SMOC2: variants seen among roughly 807,000 people sequenced by gnomAD.
The protein encoded by SMOC2 is SPARC-related modular calcium-binding protein 2.
SMOC2 carries 39 observed loss-of-function variants against 61.4 expected under a neutral mutation model. The ratio of observed to expected loss-of-function variants is 0.64; its 90% CI spans 0.49 to 0.83. SMOC2 has a LOEUF of 0.83. Among genes scored for constraint, SMOC2 ranks in the 40% least tolerant of loss-of-function variants. The probability of loss-of-function intolerance (pLI) is 0.00; values close to 1 mark genes in which losing one functional copy is unlikely to be tolerated. For missense variants in SMOC2, 556 were observed against 592.9 expected, an observed-to-expected ratio of 0.94 and a Z score of 0.65; for synonymous variants, 247 against 239.9, an observed-to-expected ratio of 1.03 and a Z score of -0.27.
intron 9 of SMOC2, among the ~76,000 whole-genome samples, chr6:168,648,727 C>A (rs760974738): frequency 7.2e-5 from 11 of 152,194 alleles, no homozygotes; most frequent in Non-Finnish European, 1.6e-4. Flanking sequence ...CTCAGAACCC[C>A]CCTGGTGAAG....
At chr6:168,546,535 C>G (rs956038294) in intron 5 of SMOC2, among the ~76,000 whole-genome samples, 1 of 152,186 alleles carries the variant, frequency 6.6e-6, no homozygotes, top group East Asian at 1.9e-4. Context: ...ATTCTCCGAT[C>G]ACTTTCGCCC....
intron 1 of SMOC2, among the ~76,000 whole-genome samples, chr6:168,501,314 G>A (rs773321879): frequency 6.6e-6 from 1 of 152,214 alleles, no homozygotes; most frequent in Non-Finnish European, 1.5e-5. Flanking sequence ...TAACATGGAT[G>A]TGGAGACAGG....
chr6:168,522,493 T>C (rs1176726504), intron 2 of SMOC2, among the ~76,000 whole-genome samples: 1 of 152,202 alleles, frequency 6.6e-6, no homozygotes, highest in Non-Finnish European at 1.5e-5. Flanking sequence ...ATCTGTTCAA[T>C]AGAATATTAT....
At chr6:168,548,349 T>G (rs1186116084) in intron 6 of SMOC2, among the ~76,000 whole-genome samples, 4 of 126,794 alleles carry the variant, frequency 3.2e-5, no homozygotes, top group African/African-American at 7.6e-5. Context: ...TGCACTACAT[T>G]CCTTTTTTTT....
At chr6:168,455,915 A>G (rs1034658748) in intron 1 of SMOC2, among the ~76,000 whole-genome samples, 1 of 152,250 alleles carries the variant, frequency 6.6e-6, no homozygotes, top group Non-Finnish European at 1.5e-5. Context: ...CCGTGAATCC[A>G]TGCAAACGTC....
chr6:168,549,009 T>C, intron 6 of SMOC2, 120 bp from the exon 7 acceptor site: 1 of 735,532 alleles, frequency 1.4e-6, no homozygotes, highest in South Asian at 1.6e-5. Flanking sequence ...TTTACAAATG[T>C]ACAATGTGTG....
chr6:168,549,238 G>A, intron 7 of SMOC2, 35 bp downstream of exon 7: 1 of 1,584,144 alleles, frequency 6.3e-7, no homozygotes. Flanking sequence ...TGTAAGGAGT[G>A]ATTTAATAGA....
In SMOC2 at chr6:168,598,929, A is replaced by G; in HGVS notation, c.749A>G (p.Gln250Arg). Reference sequence around the variant, plus strand: ...CACGGCGGCCTCTACAAGCCAGTGCAGTGCCACCCCTCCACGGGGTACTGC... The same window carrying G: ...CACGGCGGCCTCTACAAGCCAGTGCGGTGCCACCCCTCCACGGGGTACTGC... Reference protein sequence around the residue: ...CAHGGLYKPVQCHPSTGYCWC... With the variant: ...CAHGGLYKPVRCHPSTGYCWC... The change falls in exon 8 of 13, where the codon CAG becomes CGG. Residue 250 changes from glutamine to arginine, a missense_variant. Gln to Arg is a conservative substitution (Grantham distance 43, BLOSUM62 1). Coordinates refer to ENST00000356284, the MANE Select transcript of SMOC2 (RefSeq NM_001166412.2). The G allele has an allele frequency of 1.2e-6, 2 of 1,613,738 alleles. No homozygotes were observed. Among genetic ancestry groups the G allele is most frequent in the Non-Finnish European group, 1.7e-6 (2 of 1,179,770 alleles).
chr6:168,483,322 TA>T (rs953542547), intron 1 of SMOC2, among the ~76,000 whole-genome samples: 3 of 151,986 alleles, frequency 2.0e-5, no homozygotes, highest in Non-Finnish European at 4.4e-5. Context: ...AAGGAAATCA[TA>T]AAAACAATTC....
At chr6:168,512,385 A>T (rs1168614088) in intron 2 of SMOC2, among the ~76,000 whole-genome samples, 1 of 152,142 alleles carries the variant, frequency 6.6e-6, no homozygotes. Context: ...GCACGATTGC[A>T]GTGAGTCTTG....
intron 1 of SMOC2, among the ~76,000 whole-genome samples, chr6:168,493,743 T>C (rs1488600706): frequency 1.3e-5 from 2 of 152,190 alleles, no homozygotes; most frequent in Non-Finnish European, 2.9e-5. Context: ...GGACATGATT[T>C]TATTTTTCAA....
intron 1 of SMOC2, among the ~76,000 whole-genome samples, chr6:168,477,249 C>T (rs1234319844): frequency 1.3e-5 from 2 of 152,194 alleles, no homozygotes; most frequent in African/African-American, 4.8e-5. Context: ...ATCCAAACCT[C>T]AAGCCTGTGT....
chr6:168,458,762 C>G (rs1781650673), intron 1 of SMOC2, among the ~76,000 whole-genome samples: 1 of 152,184 alleles, frequency 6.6e-6, no homozygotes, highest in Non-Finnish European at 1.5e-5. Flanking sequence ...CTCACACCCC[C>G]AGCTCTCCTT....
intron 4 of SMOC2, among the ~76,000 whole-genome samples, chr6:168,528,677 C>G (rs780105839): frequency 2.0e-5 from 3 of 152,178 alleles, no homozygotes; most frequent in Admixed American, 6.5e-5. Context: ...TGTCCACAGT[C>G]AGCAATGACA....
At chr6:168,512,303 G>GCTCA (rs1196916467) in intron 2 of SMOC2, among the ~76,000 whole-genome samples, 6 of 152,170 alleles carry the variant, frequency 3.9e-5, no homozygotes, top group African/African-American at 1.4e-4. Flanking sequence ...GCTTCCCTGA[G>GCTCA]CTCACCAGGC....
chr6:168,640,840 C>T (rs1382656627), intron 9 of SMOC2, among the ~76,000 whole-genome samples: 5 of 152,112 alleles, frequency 3.3e-5, no homozygotes, highest in Admixed American at 1.3e-4. Context: ...ACTACATATG[C>T]GGGGAAAGAA....
intron 1 of SMOC2, among the ~76,000 whole-genome samples, chr6:168,450,567 T>C (rs1781437373): frequency 6.6e-6 from 1 of 152,190 alleles, no homozygotes; most frequent in African/African-American, 2.4e-5. Flanking sequence ...CTTCCAGTAT[T>C]TGGGGTGTTT....
At chr6:168,558,082 C>T (rs1161584548) in intron 7 of SMOC2, among the ~76,000 whole-genome samples, 1 of 152,238 alleles carries the variant, frequency 6.6e-6, no homozygotes, top group East Asian at 1.9e-4. Flanking sequence ...GATACTCCAC[C>T]AGGCAAGGGA....
chr6:168,464,213 GAAAGGAAGGAAGGAAGA>G (rs1260504352), intron 1 of SMOC2, among the ~76,000 whole-genome samples: 1 of 147,352 alleles, frequency 6.8e-6, no homozygotes, highest in African/African-American at 2.5e-5. Context: ...GAGGAAGGAA[GAAAGGAAGGAAGGAAGA>G]AAAGGAAGGA....
Sources: gnomAD v4.1 joint callset for allele counts (sites outside exome capture counted in the v4.1 genomes callset) on GRCh38, gnomAD v4.1.1 for gene constraint, MANE v1.5 for transcripts, NCBI Gene and HGNC (gene_info 2026-07-23, HGNC 2026-07-21) for gene names.